BASP1: variants seen among roughly 807,000 people sequenced by gnomAD.
The protein encoded by BASP1 is brain acid soluble protein 1.
A neutral mutation model predicts 2.2 loss-of-function variants in BASP1; 1 was observed. The observed-to-expected ratio is 0.46, with a 90% CI of 0.16 to 2.17. BASP1 has a LOEUF of 2.17. Ranked by LOEUF, BASP1 falls within the 30% of genes most tolerant of loss-of-function variation. BASP1 has a pLI of 0.27. For missense variants in BASP1, 352 were observed against 327.2 expected, an observed-to-expected ratio of 1.08 and a Z score of -0.58; for synonymous variants, 187 against 154.2, an observed-to-expected ratio of 1.21 and a Z score of -1.58.
intron 1 of BASP1, among the ~76,000 whole-genome samples, chr5:17,252,491 T>C (rs1238462663): frequency 6.6e-6 from 1 of 152,188 alleles, no homozygotes; most frequent in Non-Finnish European, 1.5e-5. Flanking sequence ...GAACTCTTGC[T>C]TGACACCCAA....
intron 1 of BASP1, among the ~76,000 whole-genome samples, chr5:17,225,485 C>G (rs1393469248): frequency 6.6e-6 from 1 of 152,194 alleles, no homozygotes; most frequent in African/African-American, 2.4e-5. Context: ...AAGTATATGG[C>G]ATGCACTGAA....
chr5:17,221,649 T>C (rs1416425294), intron 1 of BASP1, among the ~76,000 whole-genome samples: 1 of 152,212 alleles, frequency 6.6e-6, no homozygotes, highest in African/African-American at 2.4e-5. Context: ...TTTATTGTTA[T>C]ATCAAATTTT....
Position 17,260,815 on chromosome 5 carries a change from A to G in BASP1, c.-9-14393A>G, listed in dbSNP as rs1487361814. On this transcript the variant is annotated intron_variant, in intron 1 of 1. Transcript: ENST00000322611. The surrounding 1 kb of genome is among the most constrained non-coding windows in gnomAD (Gnocchi z 4.2). ...TATTGAAGAAACGCCCTAGGTCAAGATTCAAGTGAAGTCAGGCAAGCCTAT... is the reference window on the plus strand; with the variant it reads ...TATTGAAGAAACGCCCTAGGTCAAGGTTCAAGTGAAGTCAGGCAAGCCTAT... Among the ~76,000 whole-genome samples, 2 of 152,214 alleles carry G rather than the reference A, an allele frequency of 1.3e-5. No individual in the cohort carries two copies. Among genetic ancestry groups the G allele is most frequent in the Non-Finnish European group, 2.9e-5 (2 of 68,036 alleles).
intron 1 of BASP1, among the ~76,000 whole-genome samples, chr5:17,232,799 A>C (rs1739661820): frequency 1.3e-5 from 2 of 152,030 alleles, no homozygotes; most frequent in Admixed American, 1.3e-4. Context: ...TCCATGTCAC[A>C]TACCTCTTAG....
At position 17,275,987 on chromosome 5, in the gene BASP1, CCTCTCT is replaced by C; in HGVS notation, c.*95_*100del. ...TCTCTCTCTATCTCTCTCTCTATCT[CCTCTCT>C]CTCTCTCCTCTCCTATCTCTCCTCT... On this transcript the variant is annotated 3_prime_UTR_variant, in exon 2 of 2. Coordinates refer to ENST00000322611, the MANE Select transcript of BASP1 (RefSeq NM_006317.5). The surrounding 1 kb of genome is among the most constrained non-coding windows in gnomAD (Gnocchi z 5.3). The C allele has an allele frequency of 8.7e-7, 1 of 1,154,866 alleles. No homozygotes were observed. Among genetic ancestry groups the C allele is most frequent in the Non-Finnish European group, 1.2e-6 (1 of 859,128 alleles). The allele number at this position is 1,154,866 out of a possible 1,614,324, so 71.5% of individuals were successfully genotyped here. A position where few individuals can be genotyped will look rare whatever the true frequency, so the allele number is the denominator to read the frequency against.
intron 1 of BASP1, among the ~76,000 whole-genome samples, chr5:17,244,615 C>T (rs1222337634): frequency 6.6e-6 from 1 of 151,918 alleles, no homozygotes; most frequent in East Asian, 1.9e-4. Context: ...TCTGTTTTGG[C>T]CTTCGTGGGA....
At position 17,251,688 on chromosome 5, in the gene BASP1, T is replaced by C. The variant is rs1740104476; in HGVS notation, c.-9-23520T>C. ...AACATATTTAGTGGAACATAAGCAT[T>C]GGATGTGAGGGTAGCGGTGGTGGTG... On this transcript the variant is annotated intron_variant, in intron 1 of 1. Coordinates refer to ENST00000322611, the MANE Select transcript of BASP1 (RefSeq NM_006317.5). This position sits in a 1 kb window ranked among gnomAD's most constrained non-coding sequence, Gnocchi z 4.0. Among the ~76,000 whole-genome samples, 1 of 152,196 alleles carries C rather than the reference T, an allele frequency of 6.6e-6. No individual in the cohort carries two copies. Among genetic ancestry groups the C allele is most frequent in the African/African-American group, 2.4e-5 (1 of 41,450 alleles).
At chr5:17,227,971 T>C (rs1467402809) in intron 1 of BASP1, among the ~76,000 whole-genome samples, 2 of 152,198 alleles carry the variant, frequency 1.3e-5, no homozygotes, top group Non-Finnish European at 2.9e-5. Flanking sequence ...AGGCAGATAG[T>C]AACAAGTGTT....
At chr5:17,274,346 C>G (rs1437312559) in intron 1 of BASP1, among the ~76,000 whole-genome samples, 1 of 152,138 alleles carries the variant, frequency 6.6e-6, no homozygotes, top group Non-Finnish European at 1.5e-5. Context: ...AGAAGATAGA[C>G]TGAATCCTGT....
chr5:17,275,387 G>T lies in BASP1; in HGVS notation c.171G>T (p.Lys57Asn), dbSNP rs1438321167. Residue 57 changes from lysine (K) to asparagine (N), a missense_variant, in exon 2 of 2, where the codon AAG (lysine) becomes AAT (asparagine). Coordinates refer to ENST00000322611, the MANE Select transcript of BASP1 (RefSeq NM_006317.5). This position sits in a 1 kb window ranked among gnomAD's most constrained non-coding sequence, Gnocchi z 5.3. Reference protein sequence around the residue: ...EPAEAKEGKEKPDQDAEGKAE... With the variant: ...EPAEAKEGKENPDQDAEGKAE... ...CCGAGGCCAAGGAGGGCAAGGAGAA[G>T]CCCGACCAGGACGCCGAGGGCAAGG... The T allele has an allele frequency of 1.9e-6, 3 of 1,591,254 alleles. No homozygotes were observed. Among genetic ancestry groups the T allele is most frequent in the Non-Finnish European group, 2.6e-6 (3 of 1,169,552 alleles).
rs764444418 is a variant in BASP1 at position 17,275,406 on chromosome 5, G to T, written c.190G>T (p.Gly64Cys). 1 of 1,569,128 alleles carries T rather than the reference G, an allele frequency of 6.4e-7. No homozygotes were observed. Among genetic ancestry groups the T allele is most frequent in the South Asian group, 1.1e-5 (1 of 86,990 alleles). ...GGAGAAGCCCGACCAGGACGCCGAG[G>T]GCAAGGCCGAGGAGAAGGAGGGCGA... Reference protein sequence around the residue: ...GKEKPDQDAEGKAEEKEGEKD... With the variant: ...GKEKPDQDAECKAEEKEGEKD... The change falls in exon 2 of 2, where the codon GGC becomes TGC. Residue 64 changes from glycine to cysteine, a missense_variant. Coordinates refer to ENST00000322611, the MANE Select transcript of BASP1 (RefSeq NM_006317.5). This position sits in a 1 kb window ranked among gnomAD's most constrained non-coding sequence, Gnocchi z 5.3.
At chr5:17,261,308 C>A (rs1740311541) in intron 1 of BASP1, among the ~76,000 whole-genome samples, 1 of 152,136 alleles carries the variant, frequency 6.6e-6, no homozygotes, top group African/African-American at 2.4e-5. Flanking sequence ...CACAATAAGA[C>A]CTCTCCAGGT....
At chr5:17,255,309 G>T (rs1740185155) in intron 1 of BASP1, among the ~76,000 whole-genome samples, 1 of 152,026 alleles carries the variant, frequency 6.6e-6, no homozygotes, top group Admixed American at 6.6e-5. Flanking sequence ...CCTTCCCTTT[G>T]GTTCAATTTT....
intron 1 of BASP1, among the ~76,000 whole-genome samples, chr5:17,245,305 CTCAAAA>C: frequency 1.6e-5 from 1 of 64,322 alleles, no homozygotes. Flanking sequence ...GAGACTCCGT[CTCAAAA>C]AAAAAAAAAA....
intron 1 of BASP1, among the ~76,000 whole-genome samples, chr5:17,271,552 G>C (rs540144023): frequency 6.6e-6 from 1 of 152,292 alleles, no homozygotes; most frequent in Non-Finnish European, 1.5e-5. Context: ...TTTTGTTGCT[G>C]TGCTACAAAA....
chr5:17,275,392 A>T lies in BASP1; in HGVS notation c.176A>T (p.Asp59Val), dbSNP rs759873515. The T allele has an allele frequency of 8.2e-6, 13 of 1,585,682 alleles. No individual in the cohort carries two copies. The Admixed American group carries it at 2.4e-4, about 29-fold the overall frequency. ...AEAKEGKEKP[D>V]QDAEGKAEEK... is the part of the protein sequence containing the mutation. ...GCCAAGGAGGGCAAGGAGAAGCCCG[A>T]CCAGGACGCCGAGGGCAAGGCCGAG... The change falls in exon 2 of 2, where the codon GAC (aspartate) becomes GTC (valine). Residue 59 changes from aspartate (D) to valine (V), a missense_variant. Physicochemically the swap from Asp to Val is radical, Grantham distance 152. Coordinates refer to ENST00000322611, the MANE Select transcript of BASP1 (RefSeq NM_006317.5). This position sits in a 1 kb window ranked among gnomAD's most constrained non-coding sequence, Gnocchi z 5.3.
At chr5:17,219,456 T>G (rs1739350657) in intron 1 of BASP1, among the ~76,000 whole-genome samples, 1 of 152,264 alleles carries the variant, frequency 6.6e-6, no homozygotes, top group African/African-American at 2.4e-5. Context: ...TTGATGAGGA[T>G]GAAGGCAAAT....
In BASP1 at chr5:17,275,189, G is replaced by T; in HGVS notation, c.-9-19G>T. 1 of 1,608,798 alleles carries T rather than the reference G, an allele frequency of 6.2e-7. No individual in the cohort carries two copies. The highest frequency in any genetic ancestry group is 8.5e-7 in the Non-Finnish European group (1 of 1,177,338). On this transcript the variant is annotated intron_variant, in intron 1 of 1. Coordinates refer to ENST00000322611, the MANE Select transcript of BASP1 (RefSeq NM_006317.5). This position sits in a 1 kb window ranked among gnomAD's most constrained non-coding sequence, Gnocchi z 5.3. ...TGCCTAGTAACCGCCGTTTTGTTTTGTTTTGTGTTTGCTTCCAGAACTCCA... is the reference window on the plus strand; with the variant it reads ...TGCCTAGTAACCGCCGTTTTGTTTTTTTTTGTGTTTGCTTCCAGAACTCCA...
chr5:17,218,281 G>T (rs1365376792), intron 1 of BASP1, among the ~76,000 whole-genome samples: 1 of 147,222 alleles, frequency 6.8e-6, no homozygotes, highest in Non-Finnish European at 1.5e-5. Context: ...GAGGGTGGGG[G>T]TGGGGTGGGG....
Sources: allele counts gnomAD v4.1 joint callset (sites outside exome capture counted in the v4.1 genomes callset), GRCh38; gene constraint gnomAD v4.1.1; non-coding constraint Gnocchi (gnomAD v3.1); transcripts MANE v1.5; gene names NCBI Gene and HGNC (gene_info 2026-07-23, HGNC 2026-07-21).